CA10: variants seen among roughly 807,000 people sequenced by gnomAD.
CA10 encodes carbonic anhydrase-related protein 10.
CA10 carries 14 observed loss-of-function variants against 44.2 expected under a neutral mutation model. The ratio of observed to expected loss-of-function variants is 0.32; its 90% confidence interval spans 0.21 to 0.50. CA10 has a LOEUF of 0.50. Among genes scored for constraint, CA10 ranks in the 20% least tolerant of loss-of-function variants. CA10 has a pLI of 0.99. For synonymous variants in CA10, 159 were observed against 141.6 expected (o/e 1.12, Z -0.87); for missense variants, 350 against 409.7 (o/e 0.85, Z 1.26).
At chr17:51,897,302 C>G (rs1243249835) in intron 3 of CA10, among the ~76,000 whole-genome samples, 1 of 152,086 alleles carries the variant, frequency 6.6e-6, no homozygotes, top group Non-Finnish European at 1.5e-5. Flanking sequence ...AGCCAGTTAT[C>G]CCAACACCAT....
At chr17:51,824,864 T>A (rs1598064631) in intron 3 of CA10, among the ~76,000 whole-genome samples, 2 of 152,272 alleles carry the variant, frequency 1.3e-5, no homozygotes, top group African/African-American at 4.8e-5. Flanking sequence ...CACTGTTGCT[T>A]CATAAATTCT....
intron 2 of CA10, among the ~76,000 whole-genome samples, chr17:52,005,002 TTAAGAAA>T (rs1358400638): frequency 4.6e-5 from 7 of 151,790 alleles, no homozygotes; most frequent in African/African-American, 9.7e-5. Context: ...AAACAAAGAC[TTAAGAAA>T]TAAGACCCTC....
At chr17:52,061,283 A>T (rs1198781337) in intron 2 of CA10, among the ~76,000 whole-genome samples, 1 of 152,178 alleles carries the variant, frequency 6.6e-6, no homozygotes, top group Admixed American at 6.5e-5. Flanking sequence ...TAACAGAAGC[A>T]CAGGCTGGAG....
intron 3 of CA10, among the ~76,000 whole-genome samples, chr17:51,873,228 G>A (rs1979898932): frequency 6.6e-6 from 1 of 152,106 alleles, no homozygotes; most frequent in Non-Finnish European, 1.5e-5. Context: ...TTAGAACAAG[G>A]TACAGAACAG....
chr17:52,011,586 G>T (rs1380244596), intron 2 of CA10, among the ~76,000 whole-genome samples: 1 of 151,974 alleles, frequency 6.6e-6, no homozygotes, highest in Non-Finnish European at 1.5e-5. Context: ...TTTGCCAAAA[G>T]AACATTTGGA....
At chr17:51,965,419 A>T (rs978796509) in intron 2 of CA10, among the ~76,000 whole-genome samples, 9 of 151,792 alleles carry the variant, frequency 5.9e-5, no homozygotes, top group Non-Finnish European at 8.9e-5. Flanking sequence ...GGTAAAGACA[A>T]TTAAAAAAAA....
At chr17:51,647,493 TCTTGCTCCTCC>T (rs1424086573) in intron 6 of CA10, among the ~76,000 whole-genome samples, 2 of 151,922 alleles carry the variant, frequency 1.3e-5, no homozygotes, top group Non-Finnish European at 2.9e-5. Context: ...CCCTCCCCTC[TCTTGCTCCTCC>T]CTTGGTGGCA....
intron 2 of CA10, among the ~76,000 whole-genome samples, chr17:51,968,538 C>T (rs567971818): frequency 1.3e-5 from 2 of 151,928 alleles, no homozygotes; most frequent in South Asian, 4.1e-4. Flanking sequence ...GAAACAGACA[C>T]TATAGAGACA....
At chr17:51,700,913 A>G (rs1915577739) in intron 4 of CA10, among the ~76,000 whole-genome samples, 2 of 152,052 alleles carry the variant, frequency 1.3e-5, no homozygotes, top group African/African-American at 4.8e-5. Flanking sequence ...CCCGGGGCCT[A>G]TGGGGGTAGG....
chr17:51,772,897 C>T (rs527616606), intron 3 of CA10, among the ~76,000 whole-genome samples: 13 of 152,286 alleles, frequency 8.5e-5, no homozygotes, highest in African/African-American at 1.9e-4. Context: ...GGGAGCACCT[C>T]GGGAGACAGC....
intron 2 of CA10, among the ~76,000 whole-genome samples, chr17:52,047,507 T>C (rs1847154267): frequency 1.3e-5 from 2 of 152,050 alleles, no homozygotes; most frequent in African/African-American, 2.4e-5. Context: ...AATTTTAGAC[T>C]ATAAACTCTC....
intron 3 of CA10, among the ~76,000 whole-genome samples, chr17:51,871,691 C>A (rs1028729531): frequency 1.3e-5 from 2 of 151,332 alleles, no homozygotes; most frequent in African/African-American, 4.9e-5. Context: ...GCCCTTCCTT[C>A]TTCTTTAAAC....
intron 4 of CA10, among the ~76,000 whole-genome samples, chr17:51,669,712 C>G (rs1914346315): frequency 6.6e-6 from 1 of 152,184 alleles, no homozygotes; most frequent in African/African-American, 2.4e-5. Flanking sequence ...CAGCTTCACT[C>G]CTGAAGCCAG....
intron 2 of CA10, among the ~76,000 whole-genome samples, chr17:51,972,402 C>T (rs1427596160): frequency 7.3e-6 from 1 of 137,152 alleles, no homozygotes; most frequent in Non-Finnish European, 1.6e-5. Context: ...AAGTTTTGTA[C>T]AATGCACTTT....
At chr17:51,836,397 C>G (rs1274575682) in intron 3 of CA10, among the ~76,000 whole-genome samples, 1 of 152,216 alleles carries the variant, frequency 6.6e-6, no homozygotes, top group Non-Finnish European at 1.5e-5. Flanking sequence ...AGAAAGGTAG[C>G]AGGACCCAAC....
intron 4 of CA10, among the ~76,000 whole-genome samples, chr17:51,681,675 G>T (rs111715268): frequency 6.6e-6 from 1 of 152,130 alleles, no homozygotes; most frequent in African/African-American, 2.4e-5. Flanking sequence ...AAAATAAGTC[G>T]TGGCTGTTTA....
At chr17:52,041,461 T>C (rs1207481859) in intron 2 of CA10, among the ~76,000 whole-genome samples, 1 of 152,046 alleles carries the variant, frequency 6.6e-6, no homozygotes, top group Non-Finnish European at 1.5e-5. Context: ...AATTGACAAA[T>C]AAAAATTGTA....
At chr17:52,057,247 C>G (rs1391460676) in intron 2 of CA10, among the ~76,000 whole-genome samples, 1 of 151,962 alleles carries the variant, frequency 6.6e-6, no homozygotes, top group Admixed American at 6.6e-5. Context: ...GGGTGCCTGC[C>G]CATCCTGCTT....
At chr17:51,723,744 A>C (rs1336509400) in intron 4 of CA10, among the ~76,000 whole-genome samples, 2 of 152,164 alleles carry the variant, frequency 1.3e-5, no homozygotes, top group Non-Finnish European at 2.9e-5. Context: ...AGAATCCTTC[A>C]TGTCTGCTGC....
Sources: gnomAD v4.1 joint callset for allele counts (sites outside exome capture counted in the v4.1 genomes callset) on GRCh38, gnomAD v4.1.1 for gene constraint, MANE v1.5 for transcripts, NCBI Gene and HGNC (gene_info 2026-07-23, HGNC 2026-07-21) for gene names.